Variants in CCSER1 observed in about 807,000 individuals in gnomAD.
CCSER1 encodes coiled-coil serine rich protein 1, also known as serine-rich coiled-coil domain-containing protein 1.
Under a neutral mutation model 82.0 loss-of-function variants are expected in CCSER1, and 41 were observed. The observed-to-expected ratio is 0.50, with a 90% CI of 0.39 to 0.65. The LOEUF is 0.65. Among genes scored for constraint, CCSER1 ranks in the 30% least tolerant of loss-of-function variants. The pLI is 0.00. For synonymous variants in CCSER1, 414 were observed against 383.9 expected (o/e 1.08, Z -0.92); for missense variants, 1,119 against 1,064.2 (o/e 1.05, Z -0.72).
At chr4:90,945,916 A>G (rs1229514778) in intron 9 of CCSER1, among the ~76,000 whole-genome samples, 2 of 152,206 alleles carry the variant, frequency 1.3e-5, no homozygotes, top group South Asian at 2.1e-4. Context: ...ATTACTCTAT[A>G]TGATTTCCTT....
intron 1 of CCSER1, among the ~76,000 whole-genome samples, chr4:90,160,532 A>T (rs1404491115): frequency 6.6e-6 from 1 of 152,208 alleles, no homozygotes; most frequent in Admixed American, 6.5e-5. Flanking sequence ...GTGTTACAAG[A>T]AAAGCCCATT....
intron 7 of CCSER1, among the ~76,000 whole-genome samples, chr4:90,796,642 A>C (rs1049920490): frequency 2.0e-5 from 3 of 152,036 alleles, no homozygotes; most frequent in African/African-American, 7.2e-5. Context: ...TTCCCTCTTA[A>C]CACCACCTTA....
In CCSER1 at chr4:90,665,450, T is replaced by C. The variant is rs190289122; in HGVS notation, c.1932+37218T>C. ...CATTCTCCTGCCTCAGCCTCCTGAG[T>C]AGCTGGGACTACAGGCACCCGCCAC... On this transcript the variant is annotated intron_variant, in intron 6 of 10. Coordinates refer to ENST00000509176, the MANE Select transcript of CCSER1 (RefSeq NM_001145065.2). 6.9e-3 allele frequency among the ~76,000 whole-genome samples: 1,052 copies of C among 151,852 alleles called. 13 individuals carry two copies. The highest frequency in any genetic ancestry group is 0.025 in the African/African-American group (1,019 of 41,408).
intron 10 of CCSER1, among the ~76,000 whole-genome samples, chr4:91,230,033 T>G (rs1392222722): frequency 6.6e-6 from 1 of 152,098 alleles, no homozygotes; most frequent in South Asian, 2.1e-4. Flanking sequence ...CCACCAAATA[T>G]TCATTCGAGT....
chr4:90,886,870 TG>T (rs1213702765), intron 8 of CCSER1, among the ~76,000 whole-genome samples: 2 of 152,194 alleles, frequency 1.3e-5, no homozygotes, highest in African/African-American at 2.4e-5. Context: ...GTAATCCTCA[TG>T]GGGTCAGAAA....
At chr4:91,384,802 C>T (rs982078577) in intron 10 of CCSER1, among the ~76,000 whole-genome samples, 4 of 151,950 alleles carry the variant, frequency 2.6e-5, no homozygotes, top group African/African-American at 4.8e-5. Flanking sequence ...AAAATATTTA[C>T]GGAAGATACA....
intron 9 of CCSER1, among the ~76,000 whole-genome samples, chr4:90,980,435 A>C (rs1736008148): frequency 6.6e-6 from 1 of 151,824 alleles, no homozygotes. Context: ...ATAGACCTTC[A>C]TGAAAGTAAG....
chr4:90,792,690 G>A (rs1755430775), intron 7 of CCSER1, among the ~76,000 whole-genome samples: 1 of 152,228 alleles, frequency 6.6e-6, no homozygotes, highest in Admixed American at 6.5e-5. Context: ...CTGCCCTGTA[G>A]GACCATGCAA....
At chr4:90,316,810 A>G (rs753063448) in intron 3 of CCSER1, among the ~76,000 whole-genome samples, 8 of 152,316 alleles carry the variant, frequency 5.3e-5, no homozygotes, top group East Asian at 1.9e-4. Context: ...GGGTATTTCA[A>G]TCTGGAAGCG....
At chr4:90,412,102 G>A (rs1361948092) in intron 4 of CCSER1, among the ~76,000 whole-genome samples, 2 of 151,836 alleles carry the variant, frequency 1.3e-5, no homozygotes, top group African/African-American at 4.8e-5. Context: ...AAGAAAATGT[G>A]GCACATATAT....
rs987841628 is a variant in CCSER1 at position 91,168,625 on chromosome 4, AC to A, written c.2217+82633del. On this transcript the variant is annotated intron_variant, in intron 10 of 10. Coordinates refer to ENST00000509176, the MANE Select transcript of CCSER1 (RefSeq NM_001145065.2). ...TGGGAAGTGAGGAGCATCTCTGCCCACCTGCCCATCTTCTGGGAAGTGAGGA... is the reference window on the plus strand; with the variant it reads ...TGGGAAGTGAGGAGCATCTCTGCCCACTGCCCATCTTCTGGGAAGTGAGGA... Among the ~76,000 whole-genome samples the A allele has an allele frequency of 9.8e-5, 14 of 142,634 alleles. No homozygotes were observed. In the South Asian group the frequency reaches 2.4e-3, roughly 24 times the overall value. The allele number at this position is 142,634 out of a possible 152,430, so 93.6% of individuals were successfully genotyped here. A position where few individuals can be genotyped will look rare whatever the true frequency, so the allele number is the denominator to read the frequency against.
At chr4:91,079,160 G>GT (rs1722386549) in intron 9 of CCSER1, among the ~76,000 whole-genome samples, 1 of 152,160 alleles carries the variant, frequency 6.6e-6, no homozygotes, top group South Asian at 2.1e-4. Context: ...AGGAAAAAAG[G>GT]TTAAGGGCAG....
At chr4:90,782,734 T>C (rs1753965323) in intron 7 of CCSER1, among the ~76,000 whole-genome samples, 1 of 142,892 alleles carries the variant, frequency 7.0e-6, no homozygotes, top group Non-Finnish European at 1.5e-5. Context: ...CGGGCTGGAG[T>C]GCAGTGGCGC....
At chr4:90,915,015 A>T (rs187855901) in intron 8 of CCSER1, among the ~76,000 whole-genome samples, 1 of 152,208 alleles carries the variant, frequency 6.6e-6, no homozygotes, top group Admixed American at 6.5e-5. Context: ...AAATTGAGGC[A>T]ATAATTAATA....
intron 5 of CCSER1, among the ~76,000 whole-genome samples, chr4:90,616,743 AAAAT>A (rs1164262233): frequency 2.4e-5 from 2 of 82,394 alleles, no homozygotes; most frequent in South Asian, 3.6e-4. Context: ...ACACACAAAT[AAAAT>A]AAAATAAAAG....
chr4:91,272,189 T>C (rs555990189), intron 10 of CCSER1, among the ~76,000 whole-genome samples: 3 of 152,338 alleles, frequency 2.0e-5, no homozygotes, highest in Non-Finnish European at 2.9e-5. Context: ...CTGTTTTCCA[T>C]AGTGGTTGTA....
intron 10 of CCSER1, among the ~76,000 whole-genome samples, chr4:91,153,011 G>A (rs1371449925): frequency 6.6e-6 from 1 of 151,882 alleles, no homozygotes; most frequent in African/African-American, 2.4e-5. Flanking sequence ...TTCTCAAGGA[G>A]TATCTTTGTG....
intron 3 of CCSER1, among the ~76,000 whole-genome samples, chr4:90,354,426 G>A (rs1027748879): frequency 6.6e-6 from 1 of 152,074 alleles, no homozygotes; most frequent in Non-Finnish European, 1.5e-5. Context: ...GGTGACAGTA[G>A]TTAATAATAC....
At chr4:91,135,152 A>G (rs545853281) in intron 10 of CCSER1, among the ~76,000 whole-genome samples, 1 of 152,312 alleles carries the variant, frequency 6.6e-6, no homozygotes, top group African/African-American at 2.4e-5. Context: ...GGTTGAAGCC[A>G]TAATCTTAAT....
Sources: allele counts gnomAD v4.1 joint callset (sites outside exome capture counted in the v4.1 genomes callset), GRCh38; gene constraint gnomAD v4.1.1; transcripts MANE v1.5; gene names NCBI Gene and HGNC (gene_info 2026-07-23, HGNC 2026-07-21).